NELL2: variants seen among roughly 807,000 people sequenced by gnomAD.
The protein encoded by NELL2 is protein kinase C-binding protein NELL2.
NELL2 carries 41 observed loss-of-function variants against 109.6 expected under a neutral mutation model. That is an observed-to-expected ratio of 0.37 (90% CI 0.29 to 0.49). NELL2 has a LOEUF of 0.49. Ranked by LOEUF, NELL2 falls within the 20% of genes least tolerant of loss-of-function variation. NELL2 has a pLI of 0.98. For synonymous variants in NELL2, 355 were observed against 344.7 expected, an observed-to-expected ratio of 1.03 and a Z score of -0.33; for missense variants, 900 against 1,008.3, an observed-to-expected ratio of 0.89 and a Z score of 1.45.
At chr12:44,713,102 T>A (rs1012935584) in intron 10 of NELL2, among the ~76,000 whole-genome samples, 1 of 151,312 alleles carries the variant, frequency 6.6e-6, no homozygotes, top group Non-Finnish European at 1.5e-5. Flanking sequence ...TAAAATCCAA[T>A]AGGCAATTAT....
rs531138089 is a variant in NELL2, at chr12:44,683,135, G to A, written c.1319-17526C>T. Among the ~76,000 whole-genome samples the A allele has an allele frequency of 1.1e-3, 165 of 152,132 alleles. 1 individual carries two copies. The highest frequency in any genetic ancestry group is 2.5e-3 in the South Asian group (12 of 4,820). On this transcript the variant is annotated intron_variant, in intron 12 of 19. Transcript: ENST00000429094. ...AGTTCTCCTTGAAGAGGTCCTTCAC[G>A]TCCCTTGTAAGCTGGATTCCTAGGT...
chr12:44,791,069 A>ATATATATG (rs1942367782), intron 3 of NELL2, among the ~76,000 whole-genome samples: 1 of 10,456 alleles, frequency 9.6e-5, no homozygotes, highest in African/African-American at 1.8e-4. Context: ...GTTCAAGTAT[A>ATATATATG]TATATATATA....
chr12:44,633,237 T>C (rs928921695), intron 13 of NELL2, among the ~76,000 whole-genome samples: 2 of 152,122 alleles, frequency 1.3e-5, no homozygotes, highest in Admixed American at 6.6e-5. Context: ...TTTAGGTCAC[T>C]GGTGATTTCT....
chr12:44,719,843 T>A (rs948723535), intron 9 of NELL2, among the ~76,000 whole-genome samples: 2 of 152,130 alleles, frequency 1.3e-5, no homozygotes, highest in Non-Finnish European at 2.9e-5. Flanking sequence ...AGCTGTTGGA[T>A]GAGAAAAAAA....
At chr12:44,808,464 T>G (rs531077788) in intron 3 of NELL2, among the ~76,000 whole-genome samples, 7 of 152,102 alleles carry the variant, frequency 4.6e-5, no homozygotes, top group Non-Finnish European at 8.8e-5. Context: ...ACAACAGAGA[T>G]GTAATTTTGT....
chr12:44,776,120 A>G lies in NELL2; in HGVS notation c.793T>C (p.Leu265=). Residue 265 remains leucine (L), a synonymous_variant, in exon 8 of 20, where the codon TTG becomes CTG. Coordinates refer to ENST00000429094, the MANE Select transcript of NELL2 (RefSeq NM_001145108.2). ...LSRAEQRMNR[L]DQCYCERTCT... ...GTCCTTTCACAATAGCACTGATCCA[A>G]TCTATTCATTCGCTGTTCAGCTCGA... The G allele has an allele frequency of 1.2e-6, 2 of 1,613,970 alleles. No individual in the cohort carries two copies. The highest frequency in any genetic ancestry group is 1.7e-6 in the Non-Finnish European group (2 of 1,179,950).
intron 3 of NELL2, among the ~76,000 whole-genome samples, chr12:44,809,849 C>G (rs1366950952): frequency 6.6e-6 from 1 of 151,982 alleles, no homozygotes; most frequent in African/African-American, 2.4e-5. Context: ...CAGAGCATGC[C>G]CATTAATCCA....
At chr12:44,742,486 G>A (rs940862310) in intron 9 of NELL2, among the ~76,000 whole-genome samples, 1 of 152,184 alleles carries the variant, frequency 6.6e-6, no homozygotes, top group African/African-American at 2.4e-5. Flanking sequence ...GAGAGAAGAA[G>A]GCTTCAGACG....
At chr12:44,539,818 G>C (rs1942467717) in intron 15 of NELL2, among the ~76,000 whole-genome samples, 1 of 152,158 alleles carries the variant, frequency 6.6e-6, no homozygotes, top group African/African-American at 2.4e-5. Context: ...AAAAGAACTA[G>C]ACACATGGTT....
chr12:44,660,653 C>G (rs890003361), intron 13 of NELL2, among the ~76,000 whole-genome samples: 1 of 152,166 alleles, frequency 6.6e-6, no homozygotes, highest in Non-Finnish European at 1.5e-5. Context: ...AATTTTCCAT[C>G]CCTTCTACCC....
intron 3 of NELL2, among the ~76,000 whole-genome samples, chr12:44,784,771 G>A (rs1279698390): frequency 6.6e-6 from 1 of 152,034 alleles, no homozygotes; most frequent in Non-Finnish European, 1.5e-5. Flanking sequence ...CAGAACCAGT[G>A]ACAAAAAAAC....
At chr12:44,705,593 C>T (rs1004574685) in intron 11 of NELL2, among the ~76,000 whole-genome samples, 5 of 152,010 alleles carry the variant, frequency 3.3e-5, no homozygotes, top group South Asian at 2.1e-4. Context: ...AAATGTATTC[C>T]GCTGTCTTTT....
intron 15 of NELL2, among the ~76,000 whole-genome samples, chr12:44,542,681 A>C (rs937161554): frequency 7.9e-5 from 12 of 152,164 alleles, no homozygotes; most frequent in African/African-American, 2.9e-4. Context: ...GAAGAATGTA[A>C]ATCAACTCTC....
At chr12:44,519,944 T>C in intron 19 of NELL2, 61 bp downstream of exon 19, 3 of 1,438,240 alleles carry the variant, frequency 2.1e-6, no homozygotes, top group Non-Finnish European at 2.9e-6. Context: ...AGCACATTAT[T>C]ATCTATGAGC....
chr12:44,580,538 G>C (rs1263078362), intron 15 of NELL2, among the ~76,000 whole-genome samples: 1 of 152,090 alleles, frequency 6.6e-6, no homozygotes, highest in African/African-American at 2.4e-5. Context: ...GCAACATGGA[G>C]AAAGCCCATC....
At chr12:44,691,762 A>G (rs7965285) in intron 12 of NELL2, among the ~76,000 whole-genome samples, 8,945 of 152,256 alleles carry the variant, frequency 0.059, 874 homozygotes, top group African/African-American at 0.2. Context: ...TGGAAGATAA[A>G]ATCAACCACA....
chr12:44,832,255 A>G (rs1388185499), intron 2 of NELL2, among the ~76,000 whole-genome samples: 2 of 152,216 alleles, frequency 1.3e-5, no homozygotes, highest in African/African-American at 2.4e-5. Context: ...AGATAAAAAG[A>G]AATTCTTTAT....
At chr12:44,575,218 G>A (rs1267373566) in intron 15 of NELL2, among the ~76,000 whole-genome samples, 4 of 152,160 alleles carry the variant, frequency 2.6e-5, no homozygotes, top group Non-Finnish European at 4.4e-5. Context: ...AGAAATTCGT[G>A]AGCACAATGG....
chr12:44,681,238 A>G (rs1012765099), intron 12 of NELL2, among the ~76,000 whole-genome samples: 2 of 149,178 alleles, frequency 1.3e-5, no homozygotes, highest in African/African-American at 2.4e-5. Flanking sequence ...CTTTATTTGC[A>G]TATCTAGTCA....
Sources: allele counts gnomAD v4.1 joint callset (sites outside exome capture counted in the v4.1 genomes callset), GRCh38; gene constraint gnomAD v4.1.1; transcripts MANE v1.5; gene names NCBI Gene and HGNC (gene_info 2026-07-23, HGNC 2026-07-21).